The following RBMS3 variants were observed in gnomAD, a reference collection of about 807,000 sequenced individuals.
The protein encoded by RBMS3 is RNA-binding motif, single-stranded-interacting protein 3.
RBMS3 carries 27 observed loss-of-function variants against 66.8 expected under a neutral mutation model. The ratio of observed to expected loss-of-function variants is 0.40; its 90% CI spans 0.30 to 0.56. RBMS3 has a LOEUF of 0.56. Among genes scored for constraint, RBMS3 ranks in the 20% least tolerant of loss-of-function variants. The pLI is 0.40. For missense variants in RBMS3, 513 were observed against 549.5 expected (o/e 0.93, Z 0.66); for synonymous variants, 188 against 183.0 (o/e 1.03, Z -0.22).
At chr3:29,392,948 A>G (rs2039373770) in intron 1 of RBMS3, among the ~76,000 whole-genome samples, 1 of 151,926 alleles carries the variant, frequency 6.6e-6, no homozygotes, top group Non-Finnish European at 1.5e-5. Context: ...TCTCCCTGTT[A>G]CAATTTTTCA....
At position 29,383,412 on chromosome 3, in the gene RBMS3, C is replaced by T. The variant is rs147635249; in HGVS notation, c.76-51331C>T. ...TATCAGTCTTTCCTAATGCTACTTA[C>T]CCCTTGAAGATGGGGAGAAAAGCTG... On this transcript the variant is annotated intron_variant, in intron 1 of 14. Coordinates refer to ENST00000383767, the MANE Select transcript of RBMS3 (RefSeq NM_001003793.3). Among the ~76,000 whole-genome samples the T allele has an allele frequency of 2.0e-5, 3 of 152,220 alleles. No individual in the cohort carries two copies. The East Asian group carries it at 5.8e-4, about 29-fold the overall frequency.
intron 8 of RBMS3, among the ~76,000 whole-genome samples, chr3:29,894,521 G>A (rs993806269): frequency 1.3e-5 from 2 of 151,366 alleles, no homozygotes; most frequent in African/African-American, 4.8e-5. Context: ...TGAGCTGTCT[G>A]AAGTATCTTC....
At chr3:29,643,131 G>A (rs1398294448) in intron 4 of RBMS3, among the ~76,000 whole-genome samples, 1 of 152,030 alleles carries the variant, frequency 6.6e-6, no homozygotes, top group Non-Finnish European at 1.5e-5. Context: ...AAGGCTCCTC[G>A]CTGTGTCAGT....
intron 4 of RBMS3, among the ~76,000 whole-genome samples, chr3:29,649,309 C>G (rs944486158): frequency 6.6e-6 from 1 of 152,152 alleles, no homozygotes; most frequent in Admixed American, 6.5e-5. Context: ...CTCTGCAGCT[C>G]TGGGGCACAA....
chr3:29,696,860 T>C (rs2052303013), intron 4 of RBMS3: 3 of 744,544 alleles, frequency 4.0e-6, no homozygotes, highest in African/African-American at 1.9e-5. Context: ...AGAGTCATCA[T>C]ACACAAGGGG....
chr3:29,421,006 G>T (rs950014108), intron 1 of RBMS3, among the ~76,000 whole-genome samples: 4 of 150,358 alleles, frequency 2.7e-5, no homozygotes, highest in Admixed American at 6.7e-5. Context: ...CCAACTACTC[G>T]AGAGGCCGAG....
chr3:29,730,012 A>G (rs1414648952), intron 4 of RBMS3, among the ~76,000 whole-genome samples: 1 of 152,080 alleles, frequency 6.6e-6, no homozygotes, highest in Non-Finnish European at 1.5e-5. Flanking sequence ...TATAAATACT[A>G]GATAATATCA....
At chr3:29,676,342 T>A (rs1380661458) in intron 4 of RBMS3, among the ~76,000 whole-genome samples, 1 of 152,136 alleles carries the variant, frequency 6.6e-6, no homozygotes, top group East Asian at 1.9e-4. Context: ...AGTTGATGGG[T>A]ACAGCACACC....
intron 4 of RBMS3, among the ~76,000 whole-genome samples, chr3:29,647,841 A>T (rs983054810): frequency 1.3e-5 from 2 of 152,232 alleles, no homozygotes; most frequent in Admixed American, 1.3e-4. Context: ...GAGTATTTTT[A>T]AAAATCCTCA....
intron 4 of RBMS3, among the ~76,000 whole-genome samples, chr3:29,635,951 T>A (rs1481155432): frequency 6.6e-6 from 1 of 151,522 alleles, no homozygotes; most frequent in Non-Finnish European, 1.5e-5. Context: ...AACTAAGAAA[T>A]CCTGTTACAA....
intron 4 of RBMS3, among the ~76,000 whole-genome samples, chr3:29,651,381 C>T (rs2050138957): frequency 1.3e-5 from 2 of 152,022 alleles, no homozygotes; most frequent in African/African-American, 4.8e-5. Context: ...GAGTGTCTAA[C>T]GTGATTATTA....
chr3:29,574,525 A>G lies in RBMS3; in HGVS notation c.308-12589A>G, dbSNP rs184540130. Among the ~76,000 whole-genome samples, 199 of 151,734 alleles carry G rather than the reference A, an allele frequency of 1.3e-3. 1 individual carries two copies. Among genetic ancestry groups the G allele is most frequent in the African/African-American group, 4.5e-3 (188 of 41,362 alleles). On this transcript the variant is annotated intron_variant, in intron 3 of 14. Transcript: ENST00000383767. ...ATTTTTTCATCCATTTAGCCATTCT[A>G]TGTCTTTTGATTAGAGAGTCCATTT...
chr3:29,641,480 T>C (rs2049709686), intron 4 of RBMS3, among the ~76,000 whole-genome samples: 1 of 152,046 alleles, frequency 6.6e-6, no homozygotes, highest in Admixed American at 6.6e-5. Flanking sequence ...TAAATGTATA[T>C]TTCATACACG....
intron 1 of RBMS3, among the ~76,000 whole-genome samples, chr3:29,368,967 A>G (rs1453803069): frequency 1.3e-5 from 2 of 152,186 alleles, no homozygotes; most frequent in Non-Finnish European, 2.9e-5. Flanking sequence ...TACATCATGG[A>G]GTACTGTGCA....
At chr3:29,749,102 T>C (rs1312659728) in intron 5 of RBMS3, among the ~76,000 whole-genome samples, 1 of 152,146 alleles carries the variant, frequency 6.6e-6, no homozygotes, top group Non-Finnish European at 1.5e-5. Flanking sequence ...AGGATTACCA[T>C]TACAAAAAGA....
At chr3:29,909,102 G>C (rs898315328) in intron 10 of RBMS3, among the ~76,000 whole-genome samples, 7 of 152,040 alleles carry the variant, frequency 4.6e-5, no homozygotes, top group East Asian at 3.9e-4. Flanking sequence ...GGGGACTACG[G>C]GGGGAGCAAA....
intron 6 of RBMS3, among the ~76,000 whole-genome samples, chr3:29,765,191 CTTG>C (rs1196986373): frequency 2.0e-5 from 3 of 151,856 alleles, no homozygotes; most frequent in African/African-American, 4.8e-5. Context: ...GTAATTTGCC[CTTG>C]TTGAGTATAA....
At position 29,532,616 on chromosome 3, in the gene RBMS3, G is replaced by A. The variant is rs116370743; in HGVS notation, c.307+44117G>A. Among the ~76,000 whole-genome samples the A allele has an allele frequency of 4.8e-3, 731 of 152,032 alleles. 10 individuals are homozygous for A. Among genetic ancestry groups the A allele is most frequent in the African/African-American group, 0.017 (709 of 41,484 alleles). ...CATGGTGGTGTGTGCCTGTATCGTC[G>A]CTACTCAGGAGGATGAGGCAGGGAA... On this transcript the variant is annotated intron_variant, in intron 3 of 14. Coordinates refer to ENST00000383767, the MANE Select transcript of RBMS3 (RefSeq NM_001003793.3).
intron 4 of RBMS3, 150 bp downstream of exon 4, chr3:29,587,355 C>T (rs761682768): frequency 7.7e-5 from 37 of 482,724 alleles, no homozygotes; most frequent in Admixed American, 2.8e-4. Context: ...CTCACTCAAA[C>T]GTGGAGTTTG....
Sources: gnomAD v4.1 joint callset for allele counts (sites outside exome capture counted in the v4.1 genomes callset) on GRCh38, gnomAD v4.1.1 for gene constraint, MANE v1.5 for transcripts, NCBI Gene and HGNC (gene_info 2026-07-23, HGNC 2026-07-21) for gene names.